The following EXOC6B variants were observed in gnomAD, a reference collection of about 807,000 sequenced individuals.
EXOC6B encodes the protein exocyst complex component 6B.
Under a neutral mutation model 113.5 loss-of-function variants are expected in EXOC6B, and 54 were observed. The ratio of observed to expected loss-of-function variants is 0.48; its 90% confidence interval spans 0.38 to 0.60. The LOEUF (loss-of-function observed/expected upper bound fraction) is 0.60. EXOC6B is among the 20% of genes least tolerant of loss of function. The pLI is 0.00. For missense variants in EXOC6B, 797 were observed against 977.5 expected (o/e 0.82, Z 2.46); for synonymous variants, 357 against 339.0 (o/e 1.05, Z -0.58).
intron 20 of EXOC6B, among the ~76,000 whole-genome samples, chr2:72,240,653 A>G (rs1372018298): frequency 6.6e-6 from 1 of 152,210 alleles, no homozygotes; most frequent in Non-Finnish European, 1.5e-5. Flanking sequence ...GCCTACAATC[A>G]TCTGCTGGAT....
chr2:72,733,297 G>C (rs1042109525), intron 2 of EXOC6B, among the ~76,000 whole-genome samples, 179 bp from the exon 3 acceptor site: 1 of 152,136 alleles, frequency 6.6e-6, no homozygotes, highest in South Asian at 2.1e-4. Context: ...TCTACTGGAT[G>C]TTTGCATGAC....
chr2:72,611,914 A>T (rs531282819), intron 6 of EXOC6B, among the ~76,000 whole-genome samples: 1 of 152,198 alleles, frequency 6.6e-6, no homozygotes, highest in African/African-American at 2.4e-5. Flanking sequence ...TATAAAACGT[A>T]CATACACAAC....
intron 20 of EXOC6B, among the ~76,000 whole-genome samples, chr2:72,321,766 T>G (rs7558919): frequency 0.34 from 51,661 of 152,034 alleles, 13,646 homozygotes; most frequent in African/African-American, 0.74. Context: ...AGGCATAAAA[T>G]AAATTTCTGA....
chr2:72,640,566 G>T (rs978372042), intron 6 of EXOC6B, among the ~76,000 whole-genome samples: 2 of 152,126 alleles, frequency 1.3e-5, no homozygotes, highest in Non-Finnish European at 2.9e-5. Flanking sequence ...ATAATCATCA[G>T]ATTCTCCAAG....
intron 16 of EXOC6B, among the ~76,000 whole-genome samples, chr2:72,482,091 C>T (rs1699132219): frequency 6.6e-6 from 1 of 152,172 alleles, no homozygotes. Context: ...ATGGACTCAT[C>T]TAAATAACTC....
In EXOC6B at chr2:72,459,276, T is replaced by G. The variant is rs374967656; in HGVS notation, c.1980+5884A>C. Among the ~76,000 whole-genome samples, 52 of 152,264 alleles carry G rather than the reference T, an allele frequency of 3.4e-4. No individual in the cohort carries two copies. The East Asian group carries it at 9.9e-3, about 29-fold the overall frequency. The stretch of plus-strand genomic sequence containing the variant: ...CTGAATGGGCAAAAACTGGAAGCAT[T>G]CTCTTTGAAAACTGGCACAAGACAG... On this transcript the variant is annotated intron_variant, in intron 18 of 21. Coordinates refer to ENST00000272427, the MANE Select transcript of EXOC6B (RefSeq NM_015189.3).
intron 19 of EXOC6B, among the ~76,000 whole-genome samples, chr2:72,375,147 C>A (rs1364128157): frequency 1.3e-5 from 2 of 151,482 alleles, no homozygotes; most frequent in Non-Finnish European, 1.5e-5. Flanking sequence ...AGTATGCACC[C>A]AATAACAGAG....
chr2:72,473,765 C>T (rs1375171778), intron 17 of EXOC6B, among the ~76,000 whole-genome samples: 2 of 152,020 alleles, frequency 1.3e-5, no homozygotes, highest in African/African-American at 2.4e-5. Flanking sequence ...TTTTCTCTTA[C>T]TGTTTGTTAC....
intron 19 of EXOC6B, among the ~76,000 whole-genome samples, chr2:72,335,642 G>C (rs1688653937): frequency 1.3e-5 from 2 of 150,176 alleles, no homozygotes; most frequent in Admixed American, 6.7e-5. Context: ...TGGCTTTTGA[G>C]CAAAGGAATA....
At chr2:72,694,569 A>C (rs1677729988) in intron 6 of EXOC6B, among the ~76,000 whole-genome samples, 1 of 152,220 alleles carries the variant, frequency 6.6e-6, no homozygotes, top group African/African-American at 2.4e-5. Context: ...ATTTTTAAAC[A>C]AATGTTCAAT....
chr2:72,512,737 T>C (rs1701007381), intron 11 of EXOC6B, among the ~76,000 whole-genome samples: 2 of 152,018 alleles, frequency 1.3e-5, no homozygotes, highest in South Asian at 2.1e-4. Flanking sequence ...CTTCTTATTG[T>C]ATGGCATTAG....
At chr2:72,799,412 A>G (rs752399075) in intron 1 of EXOC6B, among the ~76,000 whole-genome samples, 2 of 151,960 alleles carry the variant, frequency 1.3e-5, no homozygotes, top group Non-Finnish European at 2.9e-5. Context: ...TCTATTAAAA[A>G]TACAAAAATT....
At chr2:72,393,216 C>A (rs1302104606) in intron 18 of EXOC6B, among the ~76,000 whole-genome samples, 1 of 151,940 alleles carries the variant, frequency 6.6e-6, no homozygotes, top group East Asian at 1.9e-4. Context: ...GCCTCAGCCT[C>A]CCAAGTAGCT....
intron 8 of EXOC6B, among the ~76,000 whole-genome samples, chr2:72,552,088 TTAA>T (rs1262646919): frequency 3.9e-5 from 6 of 152,212 alleles, no homozygotes; most frequent in Non-Finnish European, 8.8e-5. Context: ...ATTCAACTAT[TTAA>T]TAATATTTAC....
At chr2:72,343,447 G>A (rs897795889) in intron 19 of EXOC6B, among the ~76,000 whole-genome samples, 6 of 152,050 alleles carry the variant, frequency 3.9e-5, no homozygotes, top group African/African-American at 1.4e-4. Flanking sequence ...ACAAAAAGAA[G>A]TTGCCAACCA....
intron 20 of EXOC6B, among the ~76,000 whole-genome samples, chr2:72,268,646 G>A (rs1435123547): frequency 6.6e-6 from 1 of 152,092 alleles, no homozygotes; most frequent in East Asian, 1.9e-4. Context: ...GGGACTGGTA[G>A]GAGGTGTTTG....
chr2:72,195,920 G>T (rs1480768873), intron 20 of EXOC6B, among the ~76,000 whole-genome samples: 4 of 152,090 alleles, frequency 2.6e-5, no homozygotes, highest in African/African-American at 9.7e-5. Flanking sequence ...ATTAATATTA[G>T]TATGTGTGTA....
intron 20 of EXOC6B, among the ~76,000 whole-genome samples, chr2:72,310,097 G>A (rs1026707533): frequency 2.0e-5 from 3 of 152,044 alleles, no homozygotes; most frequent in African/African-American, 4.8e-5. Context: ...TGCTATAAAC[G>A]TTCATGTGCA....
At chr2:72,210,570 A>C (rs1018941119) in intron 20 of EXOC6B, among the ~76,000 whole-genome samples, 9 of 152,200 alleles carry the variant, frequency 5.9e-5, no homozygotes, top group African/African-American at 2.2e-4. Context: ...CTAAGGGACT[A>C]GGTGTTTTCC....
Sources: gnomAD v4.1 joint callset for allele counts (sites outside exome capture counted in the v4.1 genomes callset) on GRCh38, gnomAD v4.1.1 for gene constraint, MANE v1.5 for transcripts, NCBI Gene and HGNC (gene_info 2026-07-23, HGNC 2026-07-21) for gene names.